The following XKR6 variants were observed in gnomAD, a reference collection of about 807,000 sequenced individuals.
The protein encoded by XKR6 is XK-related protein 6.
A neutral mutation model predicts 56.7 loss-of-function variants in XKR6; 22 were observed. The ratio of observed to expected loss-of-function variants is 0.39; its 90% confidence interval spans 0.28 to 0.55. XKR6 has a LOEUF of 0.55. XKR6 is among the 20% of genes least tolerant of loss of function. The pLI, the probability that XKR6 is intolerant of heterozygous loss-of-function variation, is 0.66. For synonymous variants in XKR6, 524 were observed against 387.8 expected (o/e 1.35, Z -4.13); for missense variants, 852 against 889.0 (o/e 0.96, Z 0.53).
At chr8:11,170,026 C>G (rs1247571856) in intron 1 of XKR6, among the ~76,000 whole-genome samples, 1 of 152,132 alleles carries the variant, frequency 6.6e-6, no homozygotes, top group African/African-American at 2.4e-5. Context: ...AAGTCTGCAA[C>G]TCCTAGCTGG....
chr8:10,929,071 T>C (rs909718078), intron 1 of XKR6, among the ~76,000 whole-genome samples: 1 of 152,192 alleles, frequency 6.6e-6, no homozygotes, highest in Non-Finnish European at 1.5e-5. Context: ...GGCCCCGCTA[T>C]TCCCATCACA....
chr8:11,194,041 T>G (rs1184566758), intron 1 of XKR6, among the ~76,000 whole-genome samples: 1 of 152,188 alleles, frequency 6.6e-6, no homozygotes, highest in Admixed American at 6.5e-5. Context: ...AAATGAGAAT[T>G]TGTTTAATAA....
chr8:11,055,602 C>T (rs576095494), intron 1 of XKR6, among the ~76,000 whole-genome samples: 1 of 152,238 alleles, frequency 6.6e-6, no homozygotes, highest in Admixed American at 6.5e-5. Flanking sequence ...CCGCTGCCCC[C>T]AAATCCACGT....
At chr8:11,128,875 C>G (rs1388913305) in intron 1 of XKR6, 3 of 456,778 alleles carry the variant, frequency 6.6e-6, no homozygotes, top group Non-Finnish European at 1.3e-5. Context: ...AAGCCACCAT[C>G]ATCTCTTGCC....
intron 1 of XKR6, among the ~76,000 whole-genome samples, chr8:11,169,569 G>A (rs1210956888): frequency 6.6e-6 from 1 of 152,138 alleles, no homozygotes; most frequent in Non-Finnish European, 1.5e-5. Flanking sequence ...ACTTACATGA[G>A]GCACTTAAAA....
rs1422235225 is a variant in XKR6 at position 11,191,705 on chromosome 8, A to AGG, written c.764+8870_764+8871insCC. On this transcript the variant is annotated intron_variant, in intron 1 of 2. Transcript: ENST00000416569. ...GGAAAAAAGTCAATGTCATGAGAAAAAAAAAAAAAAAACAGAGAGGGACTA... is the reference window on the plus strand; with the variant it reads ...GGAAAAAAGTCAATGTCATGAGAAAAGGAAAAAAAAAAAACAGAGAGGGACTA... 1.1e-4 allele frequency among the ~76,000 whole-genome samples: 16 copies of AGG among 152,098 alleles called. No homozygotes were observed. The South Asian group carries it at 2.9e-3, about 28-fold the overall frequency.
chr8:10,973,833 C>T (rs901484476), intron 1 of XKR6, among the ~76,000 whole-genome samples: 3 of 152,372 alleles, frequency 2.0e-5, no homozygotes, highest in African/African-American at 7.2e-5. Context: ...AATCCACCCA[C>T]TTCACCCTCT....
intron 1 of XKR6, among the ~76,000 whole-genome samples, chr8:11,140,797 C>T (rs1035587473): frequency 6.0e-5 from 9 of 149,866 alleles, no homozygotes; most frequent in African/African-American, 1.2e-4. Flanking sequence ...ACTCGGGAGG[C>T]TGAGGCAGGA....
intron 2 of XKR6, among the ~76,000 whole-genome samples, chr8:10,912,004 T>G (rs7843414): frequency 0.69 from 102,637 of 148,164 alleles, 36,195 homozygotes; most frequent in East Asian, 0.94. Flanking sequence ...TATATATATA[T>G]AGAGAGAGAG....
At chr8:11,046,479 T>G (rs1799413933) in intron 1 of XKR6, among the ~76,000 whole-genome samples, 1 of 152,152 alleles carries the variant, frequency 6.6e-6, no homozygotes, top group African/African-American at 2.4e-5. Flanking sequence ...ACCCTTTATA[T>G]GAACATTATA....
chr8:11,001,239 G>A (rs556879455), intron 1 of XKR6, among the ~76,000 whole-genome samples: 3 of 152,212 alleles, frequency 2.0e-5, no homozygotes, highest in Non-Finnish European at 4.4e-5. Flanking sequence ...CAGAGGCTCA[G>A]AAAGCTAAAA....
intron 1 of XKR6, among the ~76,000 whole-genome samples, chr8:11,173,916 G>T (rs529188605): frequency 6.6e-6 from 1 of 152,198 alleles, no homozygotes; most frequent in Non-Finnish European, 1.5e-5. Context: ...GAAAAAAAGA[G>T]GGAAGAACAT....
chr8:11,003,705 G>T (rs1352642669), intron 1 of XKR6, among the ~76,000 whole-genome samples: 2 of 152,178 alleles, frequency 1.3e-5, no homozygotes, highest in African/African-American at 4.8e-5. Flanking sequence ...TCTGGAGCAG[G>T]TCTTTTGGAC....
chr8:11,162,425 G>C (rs1007092734), intron 1 of XKR6, among the ~76,000 whole-genome samples: 3 of 152,052 alleles, frequency 2.0e-5, no homozygotes, highest in South Asian at 2.1e-4. Flanking sequence ...ACCTAGAGTA[G>C]AGTAATCGTG....
chr8:11,183,659 T>C (rs1803114367), intron 1 of XKR6, among the ~76,000 whole-genome samples: 1 of 152,092 alleles, frequency 6.6e-6, no homozygotes. Flanking sequence ...TAAGATTACA[T>C]CTGTGCTAGT....
intron 1 of XKR6, among the ~76,000 whole-genome samples, chr8:11,107,194 A>AT (rs562010935): frequency 0.028 from 4,051 of 144,538 alleles, 102 homozygotes; most frequent in African/African-American, 0.07. Context: ...CAGGATTCCA[A>AT]TTTTTTTTTT....
intron 1 of XKR6, among the ~76,000 whole-genome samples, chr8:10,957,580 C>T (rs962465734): frequency 2.6e-5 from 4 of 152,274 alleles, no homozygotes; most frequent in South Asian, 2.1e-4. Flanking sequence ...ATGCTGATGG[C>T]GCAGTCACCA....
chr8:10,913,894 G>A (rs1390666891), intron 2 of XKR6, among the ~76,000 whole-genome samples: 1 of 152,304 alleles, frequency 6.6e-6, no homozygotes, highest in Non-Finnish European at 1.5e-5. Flanking sequence ...GAGGACCTGC[G>A]ACGGGGGCCC....
In XKR6 at chr8:10,968,007, C is replaced by T. The variant is rs191054515; in HGVS notation, c.765-43177G>A. Reference sequence around the variant, plus strand: ...CCCTCAGCCCTCACTCGGCGCCCTCCGGGCTCAGGGGCCACCTGTGGACAT... The same window carrying T: ...CCCTCAGCCCTCACTCGGCGCCCTCTGGGCTCAGGGGCCACCTGTGGACAT... On this transcript the variant is annotated intron_variant, in intron 1 of 2. Coordinates refer to ENST00000416569, the MANE Select transcript of XKR6 (RefSeq NM_173683.4). Among the ~76,000 whole-genome samples, 375 of 152,326 alleles carry T rather than the reference C, an allele frequency of 2.5e-3. 1 individual carries two copies. The highest frequency in any genetic ancestry group is 8.0e-3 in the African/African-American group (331 of 41,578).
Sources: allele counts gnomAD v4.1 joint callset (sites outside exome capture counted in the v4.1 genomes callset), GRCh38; gene constraint gnomAD v4.1.1; transcripts MANE v1.5; gene names NCBI Gene and HGNC (gene_info 2026-07-23, HGNC 2026-07-21).